Variants in ATP9B observed in about 807,000 individuals in gnomAD.
ATP9B encodes ATPase phospholipid transporting 9B, also known as probable phospholipid-transporting ATPase IIB.
A neutral mutation model predicts 146.1 loss-of-function variants in ATP9B; 110 were observed. The observed-to-expected ratio is 0.75, with a 90% CI of 0.65 to 0.88. The LOEUF (loss-of-function observed/expected upper bound fraction) is 0.88. Among genes scored for constraint, ATP9B ranks in the 40% least tolerant of loss-of-function variants. The pLI is 0.00. For synonymous variants in ATP9B, 604 were observed against 569.7 expected (o/e 1.06, Z -0.86); for missense variants, 1,499 against 1,496.4 (o/e 1.00, Z -0.03).
chr18:79,253,459 G>A lies in ATP9B; in HGVS notation c.1186G>A (p.Val396Ile). ...LALVALSIVM[V>I]TLQGFVGPWY... is the part of the protein sequence containing the mutation. The stretch of plus-strand genomic sequence containing the variant: ...TTTAGTTGCTCTTTCCATTGTTATG[G>A]TAACCTTACAAGGATTTGTGGGTCC... The change falls in exon 12 of 30, where the codon GTA (valine) becomes ATA (isoleucine). Residue 396 changes from valine to isoleucine, a missense_variant. By Grantham distance (29) the Val-to-Ile change is conservative. Coordinates refer to ENST00000426216, the MANE Select transcript of ATP9B (RefSeq NM_198531.5). 2.5e-6 allele frequency: 4 copies of A among 1,613,534 alleles called. No individual in the cohort carries two copies. The highest frequency in any genetic ancestry group is 3.4e-6 in the Non-Finnish European group (4 of 1,179,812).
chr18:79,250,137 G>A (rs74461046), intron 11 of ATP9B, among the ~76,000 whole-genome samples: 54 of 152,308 alleles, frequency 3.5e-4, no homozygotes, highest in Non-Finnish European at 5.9e-4. Flanking sequence ...TCTGCATATC[G>A]GTGTGCAGTG....
intron 12 of ATP9B, among the ~76,000 whole-genome samples, chr18:79,268,177 T>TTTCTTTGGCATATCTTTTTCC (rs1463367279): frequency 7.2e-5 from 11 of 152,136 alleles, no homozygotes; most frequent in Non-Finnish European, 1.3e-4. Context: ...CTGTCTTTAA[T>TTTCTTTGGCATATCTTTTTCC]TTCTTTGGCA....
chr18:79,156,139 C>A (rs776891622), intron 7 of ATP9B, among the ~76,000 whole-genome samples: 4 of 152,178 alleles, frequency 2.6e-5, no homozygotes, highest in Non-Finnish European at 4.4e-5. Context: ...AACGGGAGAT[C>A]AGCTCTACCC....
chr18:79,341,071 A>G (rs1293568276), intron 19 of ATP9B, among the ~76,000 whole-genome samples: 1 of 152,220 alleles, frequency 6.6e-6, no homozygotes, highest in Non-Finnish European at 1.5e-5. Context: ...GTATCTACAC[A>G]TCACTGTGCT....
chr18:79,329,238 G>C lies in ATP9B; in HGVS notation c.1871G>C (p.Ser624Thr). 1 of 1,612,884 alleles carries C rather than the reference G, an allele frequency of 6.2e-7. No individual in the cohort carries two copies. The highest frequency in any genetic ancestry group is 8.5e-7 in the Non-Finnish European group (1 of 1,179,786). Residue 624 changes from serine to threonine, a missense_variant, in exon 16 of 30, where the codon AGC becomes ACC. Ser to Thr is a moderately conservative substitution (Grantham distance 58). Coordinates refer to ENST00000426216, the MANE Select transcript of ATP9B (RefSeq NM_198531.5). Reference sequence around the variant, plus strand: ...AAGACCCCCAGTGGCCAGGTCCTCAGCTTCTGCATTCTGCAGCTGTTTCCC... The same window carrying C: ...AAGACCCCCAGTGGCCAGGTCCTCACCTTCTGCATTCTGCAGCTGTTTCCC... The part of the protein sequence containing the change: ...QLKTPSGQVL[S>T]FCILQLFPFT...
At chr18:79,369,409 T>C (rs2097055566) in intron 26 of ATP9B, among the ~76,000 whole-genome samples, 1 of 151,826 alleles carries the variant, frequency 6.6e-6, no homozygotes, top group Non-Finnish European at 1.5e-5. Context: ...GGCGGGCGCC[T>C]GTAGTCCCAG....
At chr18:79,198,411 T>G (rs1043445558) in intron 9 of ATP9B, among the ~76,000 whole-genome samples, 12 of 152,230 alleles carry the variant, frequency 7.9e-5, no homozygotes, top group Non-Finnish European at 1.8e-4. Flanking sequence ...AAAGGGTTTA[T>G]TATGGAGACA....
intron 7 of ATP9B, among the ~76,000 whole-genome samples, chr18:79,166,493 A>G (rs2094967413): frequency 6.6e-6 from 1 of 152,190 alleles, no homozygotes; most frequent in African/African-American, 2.4e-5. Flanking sequence ...CTGAGCTTAC[A>G]CATGACATCA....
At chr18:79,307,402 C>T in intron 15 of ATP9B, 168 bp downstream of exon 15, 1 of 1,008,668 alleles carries the variant, frequency 9.9e-7, no homozygotes, top group Non-Finnish European at 1.4e-6. Context: ...AGCATGTAGC[C>T]TCTGACGTAG....
intron 6 of ATP9B, chr18:79,145,349 G>A (rs1381464965): frequency 5.0e-4 from 51 of 101,800 alleles, no homozygotes; most frequent in African/African-American, 1.6e-3. Context: ...TGAAGGTGCA[G>A]GCTGCATGTC....
intron 7 of ATP9B, among the ~76,000 whole-genome samples, chr18:79,157,396 C>CAAAAAAAAAAAAAAAAA (rs147316668): frequency 1.0e-4 from 5 of 48,586 alleles, no homozygotes; most frequent in South Asian, 1.3e-3. Context: ...AACTCCATCT[C>CAAAAAAAAAAAAAAAAA]AAAAAAAAAA....
At chr18:79,304,391 T>C (rs954109065) in intron 14 of ATP9B, among the ~76,000 whole-genome samples, 2 of 152,144 alleles carry the variant, frequency 1.3e-5, no homozygotes, top group African/African-American at 4.8e-5. Flanking sequence ...ACCAGAAATA[T>C]GTTGGATTCT....
intron 7 of ATP9B, among the ~76,000 whole-genome samples, chr18:79,173,444 T>C (rs1004076094): frequency 6.6e-6 from 1 of 151,910 alleles, no homozygotes. Flanking sequence ...TTTTTTTTTT[T>C]GTCCTAAAAG....
intron 22 of ATP9B, 81 bp from the exon 23 acceptor site, chr18:79,345,694 C>G: frequency 6.2e-7 from 1 of 1,603,594 alleles, no homozygotes; most frequent in Non-Finnish European, 8.5e-7. Flanking sequence ...ATGGAAGTTT[C>G]TGAAATAGCT....
intron 8 of ATP9B, among the ~76,000 whole-genome samples, chr18:79,183,253 A>T (rs4625788): frequency 0.56 from 85,390 of 152,020 alleles, 25,695 homozygotes; most frequent in African/African-American, 0.79. Flanking sequence ...AATTTAAAAG[A>T]TATCATTTTG....
At chr18:79,111,097 A>G (rs1045331147) in intron 3 of ATP9B, among the ~76,000 whole-genome samples, 2 of 152,108 alleles carry the variant, frequency 1.3e-5, no homozygotes, top group African/African-American at 4.8e-5. Context: ...ATATTTTATT[A>G]CTTTTGTTGC....
chr18:79,120,899 G>A (rs969468734), intron 4 of ATP9B, among the ~76,000 whole-genome samples: 2 of 152,086 alleles, frequency 1.3e-5, no homozygotes, highest in Admixed American at 6.6e-5. Context: ...TCTCGTGTGC[G>A]TGTCTCTGCA....
chr18:79,208,062 T>G (rs1443596257), intron 10 of ATP9B, among the ~76,000 whole-genome samples: 9 of 151,836 alleles, frequency 5.9e-5, no homozygotes, highest in East Asian at 1.9e-4. Flanking sequence ...TGGCTAACAC[T>G]GTGAAACCCC....
At chr18:79,352,855 T>G (rs2096929694) in intron 25 of ATP9B, 1 of 152,162 alleles carries the variant, frequency 6.6e-6, no homozygotes. Flanking sequence ...AAAATTAAGT[T>G]TTTGCTCTTC....
Sources: gnomAD v4.1 joint callset for allele counts (sites outside exome capture counted in the v4.1 genomes callset) on GRCh38, gnomAD v4.1.1 for gene constraint, MANE v1.5 for transcripts, NCBI Gene and HGNC (gene_info 2026-07-23, HGNC 2026-07-21) for gene names.